EIF4B: variants seen among roughly 807,000 people sequenced by gnomAD.
EIF4B encodes the protein eukaryotic translation initiation factor 4B.
EIF4B carries 8 observed loss-of-function variants against 79.3 expected under a neutral mutation model. The observed-to-expected ratio is 0.10, with a 90% confidence interval of 0.06 to 0.18. The LOEUF is 0.18. EIF4B is among the 10% of genes least tolerant of loss of function. The pLI is 1.00. For synonymous variants in EIF4B, 238 were observed against 274.7 expected, an observed-to-expected ratio of 0.87 and a Z score of 1.32; for missense variants, 515 against 792.4, an observed-to-expected ratio of 0.65 and a Z score of 4.20.
At chr12:53,040,038 A>G in intron 14 of EIF4B, 105 bp from the exon 15 acceptor site, 1 of 1,312,344 alleles carries the variant, frequency 7.6e-7, no homozygotes, top group Non-Finnish European at 1.1e-6. Context: ...AGTGGGTGTC[A>G]TCTGACTGTC....
chr12:53,017,836 C>T (rs922277743), intron 2 of EIF4B, among the ~76,000 whole-genome samples: 3 of 152,184 alleles, frequency 2.0e-5, no homozygotes, highest in Admixed American at 2.0e-4. Flanking sequence ...CATGACCCAC[C>T]TGCCTCAGCC....
intron 1 of EIF4B, among the ~76,000 whole-genome samples, chr12:53,007,451 G>C (rs546899009): frequency 1.6e-3 from 182 of 114,874 alleles, no homozygotes; most frequent in African/African-American, 7.8e-3. Context: ...TTTTTTTTAA[G>C]GTAACTGTGC....
chr12:53,020,150 C>T, intron 4 of EIF4B, 124 bp downstream of exon 4: 1 of 729,562 alleles, frequency 1.4e-6, no homozygotes. Context: ...CAAATAAAGG[C>T]CTGCATTATT....
Position 53,039,363 on chromosome 12 carries a change from C to A in EIF4B, c.1682+20C>A. ...AGATAGGTATGCTTGTTCTCTTTCT[C>A]ATCTTTCCTCTGATCCACATGTTTG... is the stretch of plus-strand genomic sequence containing the variant. On this transcript the variant is annotated intron_variant, in intron 13 of 14. Coordinates refer to ENST00000262056, the MANE Select transcript of EIF4B (RefSeq NM_001417.7). The A allele has an allele frequency of 6.5e-7, 1 of 1,529,694 alleles. No individual in the cohort carries two copies. The highest frequency in any genetic ancestry group is 8.9e-7 in the Non-Finnish European group (1 of 1,117,934). The allele number at this position is 1,529,694 out of a possible 1,614,324, so 94.8% of individuals were successfully genotyped here. A position where few individuals can be genotyped will look rare whatever the true frequency, so the allele number is the denominator to read the frequency against.
At chr12:53,018,265 G>A (rs1943180101) in intron 2 of EIF4B, among the ~76,000 whole-genome samples, 1 of 152,160 alleles carries the variant, frequency 6.6e-6, no homozygotes, top group African/African-American at 2.4e-5. Flanking sequence ...TGGGATTATA[G>A]GTGTGAGCCA....
chr12:53,029,964 GT>G (rs1943406662), intron 8 of EIF4B, among the ~76,000 whole-genome samples: 1 of 151,752 alleles, frequency 6.6e-6, no homozygotes, highest in Non-Finnish European at 1.5e-5. Context: ...GCTCACATTT[GT>G]GATTCCAGCA....
chr12:53,016,390 A>C (rs1157593496), intron 1 of EIF4B, 83 bp from the exon 2 acceptor site: 7 of 1,556,286 alleles, frequency 4.5e-6, no homozygotes, highest in East Asian at 4.6e-5. Flanking sequence ...TTCTTTCTAA[A>C]TAATGTTTTA....
intron 11 of EIF4B, 195 bp downstream of exon 11, chr12:53,037,817 C>G: frequency 6.3e-6 from 4 of 632,274 alleles, no homozygotes; most frequent in Non-Finnish European, 1.1e-5. Flanking sequence ...ACTTTGATAG[C>G]TTGAAATCAG....
chr12:53,034,823 G>T, intron 10 of EIF4B, 114 bp downstream of exon 10: 1 of 1,182,662 alleles, frequency 8.5e-7, no homozygotes, highest in South Asian at 1.3e-5. Context: ...CTTTATTTGG[G>T]TTGCATGGGC....
intron 8 of EIF4B, among the ~76,000 whole-genome samples, chr12:53,029,294 A>C (rs1943393652): frequency 3.3e-5 from 5 of 151,966 alleles, no homozygotes; most frequent in Admixed American, 3.3e-4. Flanking sequence ...ATAAATGGCC[A>C]CCATTTGTGT....
Position 53,006,880 on chromosome 12 carries a change from T to TGCACCG in EIF4B, c.13+388_13+389insCGGCAC, listed in dbSNP as rs568575490. 9.5e-3 allele frequency among the ~76,000 whole-genome samples: 1,416 copies of TGCACCG among 148,402 alleles called. 15 individuals carry two copies. The highest frequency in any genetic ancestry group is 0.034 in the South Asian group (157 of 4,640). ...AGGAGGCGGTTGCTGCGCGGACGAG[T>TGCACCG]GCACATTAGACTACGTCTCCAAGGC... On this transcript the variant is annotated intron_variant, in intron 1 of 14. Coordinates refer to ENST00000262056, the MANE Select transcript of EIF4B (RefSeq NM_001417.7).
chr12:53,038,217 C>A, intron 11 of EIF4B, 139 bp from the exon 12 acceptor site: 1 of 632,408 alleles, frequency 1.6e-6, no homozygotes. Context: ...TAATCTTTCC[C>A]ATATTTTAAT....
At chr12:53,039,018 C>A in intron 12 of EIF4B, 1 of 444,378 alleles carries the variant, frequency 2.3e-6, no homozygotes, top group South Asian at 3.2e-5. Context: ...ATGGCATATC[C>A]CTACATGGAA....
At chr12:53,007,006 A>T (rs1942975094) in intron 1 of EIF4B, among the ~76,000 whole-genome samples, 1 of 151,952 alleles carries the variant, frequency 6.6e-6, no homozygotes, top group Admixed American at 6.6e-5. Context: ...GGGGGAAGGC[A>T]GCGGTGCGCG....
In EIF4B at chr12:53,035,371, A is replaced by AT. The variant is rs1252439545; in HGVS notation, c.1306+666dup. Among the ~76,000 whole-genome samples the AT allele has an allele frequency of 7.2e-3, 1,023 of 141,968 alleles. 15 individuals carry two copies. Among genetic ancestry groups the AT allele is most frequent in the African/African-American group, 0.022 (844 of 38,396 alleles). The allele number at this position is 141,968 out of a possible 152,430, so 93.1% of individuals were successfully genotyped here. A position where few individuals can be genotyped will look rare whatever the true frequency, so the allele number is the denominator to read the frequency against. ...ACCCAGCTAAATTTTTTATTTATTT[A>AT]TTTTCTTTTTTTTTTGAGACCGAGT... On this transcript the variant is annotated intron_variant, in intron 10 of 14. Transcript: ENST00000262056.
chr12:53,008,214 A>G (rs1336365310), intron 1 of EIF4B, among the ~76,000 whole-genome samples: 1 of 152,246 alleles, frequency 6.6e-6, no homozygotes, highest in Non-Finnish European at 1.5e-5. Context: ...GAGGCGGAAC[A>G]TAGGACAGCA....
chr12:53,016,267 A>G (rs200864115), intron 1 of EIF4B, among the ~76,000 whole-genome samples: 3 of 102,606 alleles, frequency 2.9e-5, no homozygotes, highest in African/African-American at 1.6e-4. Flanking sequence ...GTACGTAAAC[A>G]TGTGTTTACA....
intron 9 of EIF4B, among the ~76,000 whole-genome samples, chr12:53,034,372 G>A (rs1396655281): frequency 6.6e-6 from 1 of 152,182 alleles, no homozygotes; most frequent in Admixed American, 6.5e-5. Context: ...GTAAAGAAGG[G>A]CAGTATTGTA....
At position 53,017,725 on chromosome 12, in the gene EIF4B, T is replaced by C. The variant is rs527271712; in HGVS notation, c.152-1073T>C. Among the ~76,000 whole-genome samples the C allele has an allele frequency of 5.9e-5, 9 of 152,142 alleles. No homozygotes were observed. In the South Asian group the frequency reaches 1.9e-3, roughly 32 times the overall value. On this transcript the variant is annotated intron_variant, in intron 2 of 14. Transcript: ENST00000262056. ...TCTCCTGCCTCAGCCGCCTGAGTAG[T>C]TGGGATTACAGGTGCCCGCCACCGC...
Sources: gnomAD v4.1 joint callset for allele counts (sites outside exome capture counted in the v4.1 genomes callset) on GRCh38, gnomAD v4.1.1 for gene constraint, MANE v1.5 for transcripts, NCBI Gene and HGNC (gene_info 2026-07-23, HGNC 2026-07-21) for gene names.